Variants in UTP15 observed in about 807,000 individuals in gnomAD.
UTP15 encodes U3 small nucleolar RNA-associated protein 15 homolog.
In UTP15, 5 loss-of-function variants were observed where a neutral mutation model predicts 59.1. The ratio of observed to expected loss-of-function variants is 0.08; its 90% CI spans 0.04 to 0.18. The LOEUF (loss-of-function observed/expected upper bound fraction) is 0.18, where lower values mean the gene tolerates loss of function less well. Among genes scored for constraint, UTP15 ranks in the 10% least tolerant of loss-of-function variants. The pLI is 1.00. For missense variants in UTP15, 494 were observed against 616.7 expected (o/e 0.80, Z 2.11); for synonymous variants, 211 against 212.2 (o/e 0.99, Z 0.05).
rs749971693 is a variant in UTP15, at chr5:73,579,371, T to G, written c.1335T>G (p.Ile445Met). The G allele has an allele frequency of 3.7e-6, 6 of 1,604,336 alleles. No homozygotes were observed. Among genetic ancestry groups the G allele is most frequent in the Non-Finnish European group, 5.1e-6 (6 of 1,175,740 alleles). Residue 445 changes from isoleucine (I) to methionine (M), a missense_variant, in exon 12 of 13, where the codon ATT becomes ATG. Physicochemically the swap from Ile to Met is conservative, Grantham distance 10. Coordinates refer to ENST00000296792, the MANE Select transcript of UTP15 (RefSeq NM_032175.4). ...APVLINAAEI[I>M]IDIYLPVIGQ... The stretch of plus-strand genomic sequence containing the variant: ...TTTTAATCAATGCTGCTGAAATAAT[T>G]ATTGGTAAGTCATTGTTAAAACTTG...
Position 73,580,002 on chromosome 5 carries a change from A to G in UTP15, c.1465A>G (p.Met489Val). 1 of 1,613,954 alleles carries G rather than the reference A, an allele frequency of 6.2e-7. No individual in the cohort carries two copies. Among genetic ancestry groups the G allele is most frequent in the Non-Finnish European group, 8.5e-7 (1 of 1,179,874 alleles). ...ELLETLGMMDMLFATMRRKEG... is the reference protein window; with the variant it reads ...ELLETLGMMDVLFATMRRKEG... ...GTTAGAAACCTTGGGGATGATGGAT[A>G]TGCTTTTTGCCACCATGAGAAGGAA... is the stretch of plus-strand genomic sequence containing the variant. Residue 489 changes from methionine to valine, a missense_variant, in exon 13 of 13, where the codon ATG becomes GTG. By Grantham distance (21) the Met-to-Val change is conservative (BLOSUM62 1). Transcript: ENST00000296792.
At position 73,576,906 on chromosome 5, in the gene UTP15, A is replaced by G. The variant is rs763317132; in HGVS notation, c.810-46A>G. On this transcript the variant is annotated intron_variant, in intron 7 of 12. Coordinates refer to ENST00000296792, the MANE Select transcript of UTP15 (RefSeq NM_032175.4). ...CAGAAAATAGAAATTTGCATTTTAT[A>G]CTCGTTTTCAAGGTGATTTTTGACA... The G allele has an allele frequency of 1.0e-5, 14 of 1,342,678 alleles. No homozygotes were observed. In the African/African-American group the frequency reaches 1.2e-4, roughly 11 times the overall value. 83.2% of individuals were successfully genotyped at this position (1,342,678 alleles called of 1,614,324 possible).
At chr5:73,570,420 C>G (rs1019324461) in intron 5 of UTP15, among the ~76,000 whole-genome samples, 166 bp from the exon 6 acceptor site, 1 of 152,150 alleles carries the variant, frequency 6.6e-6, no homozygotes, top group Non-Finnish European at 1.5e-5. Context: ...TCTTCAGACA[C>G]GATCAGTAGT....
chr5:73,572,239 T>A (rs149380917), intron 6 of UTP15, among the ~76,000 whole-genome samples: 11 of 152,352 alleles, frequency 7.2e-5, no homozygotes, highest in Non-Finnish European at 1.5e-4. Context: ...CAGTTATACA[T>A]TTATTTTGCT....
chr5:73,568,308 C>T lies in UTP15; in HGVS notation c.164C>T (p.Ala55Val), dbSNP rs556863086. The T allele has an allele frequency of 3.1e-6, 5 of 1,609,066 alleles. No homozygotes were observed. The East Asian group carries it at 8.9e-5, about 29-fold the overall frequency. Residue 55 changes from alanine (A) to valine (V), a missense_variant, in exon 3 of 13, where the codon GCT (alanine) becomes GTT (valine). Transcript: ENST00000296792. ...TCTCCTCAGCCTCCATATAATTATG[C>T]TGTCACAGCTTCCTCAAGAGTAAGT... ...DFSPQPPYNY[A>V]VTASSRIHIY...
chr5:73,576,962 G>A lies in UTP15; in HGVS notation c.820G>A (p.Val274Ile). ...LSGSLDRKVK[V>I]YSTTSYKVVH... ...TTTCCTTTTTATTAGGAAGGTGAAA[G>A]TATACAGCACAACTTCCTACAAAGT... The change falls in exon 8 of 13, where the codon GTA (valine) becomes ATA (isoleucine). Residue 274 changes from valine (V) to isoleucine (I), a missense_variant. Coordinates refer to ENST00000296792, the MANE Select transcript of UTP15 (RefSeq NM_032175.4). 1 of 1,598,150 alleles carries A rather than the reference G, an allele frequency of 6.3e-7. No individual in the cohort carries two copies. The highest frequency in any genetic ancestry group is 8.5e-7 in the Non-Finnish European group (1 of 1,175,410).
At position 73,569,784 on chromosome 5, in the gene UTP15, A is replaced by C. The variant is rs1005398976; in HGVS notation, c.547+109A>C. 3 of 874,480 alleles carry C rather than the reference A, an allele frequency of 3.4e-6. No individual in the cohort carries two copies. The African/African-American group carries it at 5.3e-5, about 15-fold the overall frequency. 54.2% of individuals were successfully genotyped at this position (874,480 alleles called of 1,614,324 possible). On this transcript the variant is annotated intron_variant, in intron 5 of 12. Transcript: ENST00000296792. ...GGGGTTTAAATTTTTTTTATAAAGG[A>C]ATATGTTTCTGATTAATTCTTCAGT... is the stretch of plus-strand genomic sequence containing the variant.
At chr5:73,569,878 G>T (rs1747880940) in intron 5 of UTP15, among the ~76,000 whole-genome samples, 1 of 152,124 alleles carries the variant, frequency 6.6e-6, no homozygotes, top group African/African-American at 2.4e-5. Context: ...TGTTGCCCAG[G>T]CTGGAGTGCA....
intron 7 of UTP15, among the ~76,000 whole-genome samples, chr5:73,575,912 G>A (rs1287721054): frequency 1.3e-5 from 2 of 151,588 alleles, no homozygotes; most frequent in East Asian, 3.9e-4. Context: ...GTAGAGACAG[G>A]GTTTCTCCAT....
chr5:73,575,726 CT>C (rs539070897), intron 7 of UTP15, among the ~76,000 whole-genome samples: 287 of 139,576 alleles, frequency 2.1e-3, no homozygotes, highest in East Asian at 3.7e-3. Context: ...ATAATTTTTT[CT>C]TTTTTTTTTT....
At chr5:73,577,472 A>T (rs1023280712) in intron 8 of UTP15, among the ~76,000 whole-genome samples, 1 of 152,178 alleles carries the variant, frequency 6.6e-6, no homozygotes, top group African/African-American at 2.4e-5. Context: ...ATGAGAAGCC[A>T]CATTTGGGCA....
chr5:73,577,229 C>G (rs1748129777), intron 8 of UTP15, among the ~76,000 whole-genome samples, 193 bp downstream of exon 8: 1 of 152,218 alleles, frequency 6.6e-6, no homozygotes, highest in African/African-American at 2.4e-5. Flanking sequence ...GTCCCACTCA[C>G]TGTAGAACTT....
At position 73,567,919 on chromosome 5, in the gene UTP15, A is replaced by G. The variant is rs544483838; in HGVS notation, c.91-316A>G. ...GTATGATTATCTTTTTGTTATTTTA[A>G]AAGTACAAGTACGTGGTTATTGTAT... On this transcript the variant is annotated intron_variant, in intron 2 of 12. Transcript: ENST00000296792. Among the ~76,000 whole-genome samples the G allele has an allele frequency of 3.3e-5, 5 of 152,308 alleles. No homozygotes were observed. In the South Asian group the frequency reaches 8.3e-4, roughly 25 times the overall value.
Position 73,579,163 on chromosome 5 carries a change from T to C in UTP15, c.1280+13T>C, listed in dbSNP as rs2112060210. Reference sequence around the variant, plus strand: ...ATTTTTTGATAAGGTATGTTTTTTGTCTGTGAAACACTTACATTTTGCATC... The same window carrying C: ...ATTTTTTGATAAGGTATGTTTTTTGCCTGTGAAACACTTACATTTTGCATC... On this transcript the variant is annotated intron_variant, in intron 11 of 12. Coordinates refer to ENST00000296792, the MANE Select transcript of UTP15 (RefSeq NM_032175.4). 3 of 1,613,412 alleles carry C rather than the reference T, an allele frequency of 1.9e-6. No homozygotes were observed. The African/African-American group carries it at 4.0e-5, about 22-fold the overall frequency.
intron 5 of UTP15, 74 bp from the exon 6 acceptor site, chr5:73,570,512 A>T (rs1672673731): frequency 3.4e-6 from 5 of 1,480,176 alleles, no homozygotes; most frequent in African/African-American, 1.4e-5. Flanking sequence ...TTCCTTTTAA[A>T]ATTTATATCT....
intron 5 of UTP15, 92 bp from the exon 6 acceptor site, chr5:73,570,494 A>G: frequency 7.6e-7 from 1 of 1,324,092 alleles, no homozygotes; most frequent in East Asian, 2.5e-5. Flanking sequence ...ACTCCATCTA[A>G]GCTTTTTTTC....
chr5:73,573,149 T>G (rs1433900631), intron 7 of UTP15, among the ~76,000 whole-genome samples: 1 of 152,168 alleles, frequency 6.6e-6, no homozygotes, highest in African/African-American at 2.4e-5. Flanking sequence ...CTTGTATACT[T>G]AAACAACATT....
At chr5:73,574,091 G>A (rs1748019545) in intron 7 of UTP15, among the ~76,000 whole-genome samples, 1 of 152,006 alleles carries the variant, frequency 6.6e-6, no homozygotes, top group African/African-American at 2.4e-5. Context: ...GGGAGGCTGA[G>A]GTGGGAGGAT....
chr5:73,579,837 A>G (rs1293322503), intron 12 of UTP15, 40 bp from the exon 13 acceptor site: 5 of 1,401,708 alleles, frequency 3.6e-6, no homozygotes, highest in African/African-American at 1.5e-5. Flanking sequence ...ATGTATGGAA[A>G]GATATTGCTA....
Sources: gnomAD v4.1 joint callset for allele counts (sites outside exome capture counted in the v4.1 genomes callset) on GRCh38, gnomAD v4.1.1 for gene constraint, MANE v1.5 for transcripts, NCBI Gene and HGNC (gene_info 2026-07-23, HGNC 2026-07-21) for gene names.